Variants in ELMOD1 observed in about 807,000 individuals in gnomAD.
ELMOD1 encodes the protein ELMO domain containing 1.
ELMOD1 carries 21 observed loss-of-function variants against 46.7 expected under a neutral mutation model. The observed-to-expected ratio is 0.45, with a 90% CI of 0.32 to 0.65. ELMOD1 has a LOEUF of 0.65. ELMOD1 is among the 30% of genes least tolerant of loss of function. The pLI is 0.04. For missense variants in ELMOD1, 348 were observed against 407.8 expected (o/e 0.85, Z 1.26); for synonymous variants, 122 against 138.2 (o/e 0.88, Z 0.82).
intron 1 of ELMOD1, chr11:107,592,591 A>T (rs752593907): frequency 3.5e-5 from 9 of 258,940 alleles, no homozygotes; most frequent in Non-Finnish European, 5.8e-5. Context: ...TCCCTCCCCC[A>T]GAAGTTTTCT....
intron 4 of ELMOD1, among the ~76,000 whole-genome samples, chr11:107,630,967 TCTTATACCTCTTCCCAAATC>T (rs1331703594): frequency 6.6e-6 from 1 of 152,104 alleles, no homozygotes; most frequent in African/African-American, 2.4e-5. Context: ...ATGAACCCTT[TCTTATACCTCTTCCCAAATC>T]ATAAAATAAA....
At chr11:107,599,713 G>A (rs1865557341) in intron 1 of ELMOD1, among the ~76,000 whole-genome samples, 1 of 131,264 alleles carries the variant, frequency 7.6e-6, no homozygotes, top group Non-Finnish European at 1.5e-5. Context: ...CTGCACTCCA[G>A]CCAGGGCGAC....
At chr11:107,664,882 A>G (rs1378160255) in intron 11 of ELMOD1, 143 bp from the exon 12 acceptor site, 16 of 717,308 alleles carry the variant, frequency 2.2e-5, no homozygotes, top group Middle Eastern at 7.6e-4. Context: ...AAACAGTGGT[A>G]TTTTCTAGAT....
intron 8 of ELMOD1, among the ~76,000 whole-genome samples, chr11:107,650,606 A>C (rs928213646): frequency 6.6e-6 from 1 of 152,202 alleles, no homozygotes; most frequent in African/African-American, 2.4e-5. Flanking sequence ...GGCACCGTTC[A>C]GGTGAGATAT....
chr11:107,655,123 T>C (rs1236585683), intron 10 of ELMOD1, among the ~76,000 whole-genome samples: 2 of 150,324 alleles, frequency 1.3e-5, no homozygotes, highest in Non-Finnish European at 2.9e-5. Flanking sequence ...TGTTAATATT[T>C]TGTGGCATCT....
intron 1 of ELMOD1, among the ~76,000 whole-genome samples, chr11:107,608,356 TA>T (rs5794561): frequency 1.3e-5 from 2 of 151,176 alleles, no homozygotes; most frequent in Non-Finnish European, 2.9e-5. Flanking sequence ...TATGTATCTT[TA>T]AAAAAAAACA....
chr11:107,643,665 A>G (rs7928246), intron 6 of ELMOD1: 37,555 of 530,464 alleles, frequency 0.071, 1,551 homozygotes, highest in South Asian at 0.093. Context: ...AGGCAGAATT[A>G]CCTTAAATGT....
At chr11:107,612,458 G>A (rs902085212) in intron 1 of ELMOD1, among the ~76,000 whole-genome samples, 6 of 152,048 alleles carry the variant, frequency 3.9e-5, no homozygotes, top group Non-Finnish European at 4.4e-5. Flanking sequence ...TCAGCATCAC[G>A]CAACATACGC....
chr11:107,645,089 A>ATTTTTTTTTTTTTT (rs11390120), intron 6 of ELMOD1, among the ~76,000 whole-genome samples: 60 of 103,174 alleles, frequency 5.8e-4, no homozygotes, highest in Non-Finnish European at 8.4e-4. Flanking sequence ...TGCCTGGCTA[A>ATTTTTTTTTTTTTT]TTTTTTTTTT....
At chr11:107,643,197 T>C (rs1490783102) in intron 6 of ELMOD1, among the ~76,000 whole-genome samples, 1 of 151,874 alleles carries the variant, frequency 6.6e-6, no homozygotes, top group Non-Finnish European at 1.5e-5. Flanking sequence ...TGAAACCTCA[T>C]CTCTACTAAA....
chr11:107,596,793 G>T (rs1037384335), intron 1 of ELMOD1, among the ~76,000 whole-genome samples: 2 of 152,134 alleles, frequency 1.3e-5, no homozygotes, highest in African/African-American at 4.8e-5. Flanking sequence ...TTATGAAACA[G>T]ATGGGTTGAG....
In ELMOD1 at chr11:107,608,223, C is replaced by A. The variant is rs117364537; in HGVS notation, c.-85-9882C>A. On this transcript the variant is annotated intron_variant, in intron 1 of 11. Transcript: ENST00000265840. ...GGCATGAAAAGAAAACAAGAAGAGG[C>A]AATTAGGGAAACCTAAAGGACCATG... Among the ~76,000 whole-genome samples the A allele has an allele frequency of 4.9e-3, 746 of 151,840 alleles. 57 individuals are homozygous for A. In the East Asian group the frequency reaches 0.12, roughly 25 times the overall value.
intron 1 of ELMOD1, among the ~76,000 whole-genome samples, chr11:107,594,887 T>G (rs1441793418): frequency 1.3e-5 from 2 of 151,918 alleles, no homozygotes; most frequent in Admixed American, 6.5e-5. Flanking sequence ...AATGACTCTA[T>G]GCTTGTAGTA....
intron 1 of ELMOD1, among the ~76,000 whole-genome samples, chr11:107,611,470 G>A (rs942555602): frequency 1.3e-5 from 2 of 152,124 alleles, no homozygotes; most frequent in Admixed American, 6.5e-5. Flanking sequence ...GGAGGCCGAG[G>A]TGGGCGGATC....
intron 11 of ELMOD1, among the ~76,000 whole-genome samples, chr11:107,663,250 C>G (rs1866775113): frequency 1.3e-5 from 2 of 152,146 alleles, no homozygotes; most frequent in South Asian, 4.1e-4. Context: ...CTTGTGTAAC[C>G]TCAAGGCCAG....
chr11:107,658,868 G>A lies in ELMOD1; in HGVS notation c.832+2802G>A, dbSNP rs111603214. Among the ~76,000 whole-genome samples, 1,413 of 152,348 alleles carry A rather than the reference G, an allele frequency of 9.3e-3. 6 individuals are homozygous for A. The highest frequency in any genetic ancestry group is 0.013 in the Non-Finnish European group (911 of 68,036). On this transcript the variant is annotated intron_variant, in intron 11 of 11. Transcript: ENST00000265840. ...GAGAATCTCTTGAAACCAGGAGGTG[G>A]AGGTTGTAGTGAGCCGAGATTGTGC...
chr11:107,594,061 T>C (rs1200120932), intron 1 of ELMOD1, among the ~76,000 whole-genome samples: 1 of 151,904 alleles, frequency 6.6e-6, no homozygotes, highest in Non-Finnish European at 1.5e-5. Context: ...CATGGGGAAA[T>C]GGGGCAGGGG....
At chr11:107,647,681 A>G in intron 7 of ELMOD1, 80 bp downstream of exon 7, 1 of 1,427,466 alleles carries the variant, frequency 7.0e-7, no homozygotes, top group Non-Finnish European at 9.4e-7. Context: ...TTGAGTAATT[A>G]GCTTCAAAAG....
In ELMOD1 at chr11:107,665,217, T is replaced by C. The variant is rs1866822499; in HGVS notation, c.*20T>C. On this transcript the variant is annotated 3_prime_UTR_variant, in exon 12 of 12. Transcript: ENST00000265840. ...ATGTAGTTGCCCACGCCGGTTTTAA[T>C]GGATACCCTGGAACACTGCCTCATT... 3.1e-6 allele frequency: 5 copies of C among 1,611,658 alleles called. No individual in the cohort carries two copies. The highest frequency in any genetic ancestry group is 4.2e-6 in the Non-Finnish European group (5 of 1,178,524).
Sources: allele counts gnomAD v4.1 joint callset (sites outside exome capture counted in the v4.1 genomes callset), GRCh38; gene constraint gnomAD v4.1.1; transcripts MANE v1.5; gene names NCBI Gene and HGNC (gene_info 2026-07-23, HGNC 2026-07-21).